NLGN1: variants seen among roughly 807,000 people sequenced by gnomAD.
NLGN1 encodes neuroligin 1.
A neutral mutation model predicts 65.5 loss-of-function variants in NLGN1; 12 were observed. That is an observed-to-expected ratio of 0.18 (90% confidence interval 0.12 to 0.30). The LOEUF (loss-of-function observed/expected upper bound fraction) is 0.30, where lower values mean the gene tolerates loss of function less well. Ranked by LOEUF, NLGN1 falls within the 10% of genes least tolerant of loss-of-function variation. NLGN1 has a pLI of 1.00. For synonymous variants in NLGN1, 350 were observed against 359.5 expected, an observed-to-expected ratio of 0.97 and a Z score of 0.30; for missense variants, 750 against 1,007.1, an observed-to-expected ratio of 0.74 and a Z score of 3.46.
chr3:173,418,210 A>T (rs1714194124), intron 1 of NLGN1, among the ~76,000 whole-genome samples: 1 of 151,400 alleles, frequency 6.6e-6, no homozygotes, highest in Non-Finnish European at 1.5e-5. Flanking sequence ...AGATGTAATT[A>T]TTATAATTTT....
chr3:173,440,858 A>G (rs1719047678), intron 2 of NLGN1, among the ~76,000 whole-genome samples: 1 of 152,170 alleles, frequency 6.6e-6, no homozygotes, highest in South Asian at 2.1e-4. Flanking sequence ...CTTTCTTTTG[A>G]AGCCTGCAAG....
intron 4 of NLGN1, among the ~76,000 whole-genome samples, chr3:174,118,779 T>A (rs1717121128): frequency 6.6e-6 from 1 of 152,138 alleles, no homozygotes; most frequent in Admixed American, 6.6e-5. Context: ...AGATGTTACA[T>A]CCAAGTAGAA....
chr3:174,030,598 T>C (rs1279915786), intron 4 of NLGN1, among the ~76,000 whole-genome samples: 1 of 152,218 alleles, frequency 6.6e-6, no homozygotes, highest in African/African-American at 2.4e-5. Context: ...TGGTTAAAGA[T>C]GACAGATTGA....
At chr3:173,959,795 A>G (rs1200022326) in intron 4 of NLGN1, among the ~76,000 whole-genome samples, 1 of 152,184 alleles carries the variant, frequency 6.6e-6, no homozygotes, top group African/African-American at 2.4e-5. Context: ...AGAATCTTCC[A>G]TATTTTCTAT....
intron 3 of NLGN1, among the ~76,000 whole-genome samples, chr3:173,672,006 C>A (rs1762516366): frequency 6.6e-6 from 1 of 151,494 alleles, no homozygotes; most frequent in Non-Finnish European, 1.5e-5. Context: ...AACCCCGTCT[C>A]TACTAAAAAT....
intron 4 of NLGN1, among the ~76,000 whole-genome samples, chr3:174,162,568 C>G (rs1032610166): frequency 6.6e-6 from 1 of 151,868 alleles, no homozygotes; most frequent in Non-Finnish European, 1.5e-5. Context: ...CAATTGATTT[C>G]TTGAATTTAA....
intron 4 of NLGN1, among the ~76,000 whole-genome samples, chr3:174,115,911 C>G (rs1716305908): frequency 6.6e-6 from 1 of 152,154 alleles, no homozygotes; most frequent in Admixed American, 6.5e-5. Flanking sequence ...TTCTATATGT[C>G]TCTACATTAG....
intron 4 of NLGN1, among the ~76,000 whole-genome samples, chr3:173,826,165 A>C (rs1365366209): frequency 3.3e-5 from 5 of 152,072 alleles, no homozygotes; most frequent in Admixed American, 1.3e-4. Flanking sequence ...TTAAAATGAC[A>C]AAAACTACTT....
At chr3:174,003,303 T>G (rs2152430226) in intron 4 of NLGN1, among the ~76,000 whole-genome samples, 1 of 152,288 alleles carries the variant, frequency 6.6e-6, no homozygotes, top group East Asian at 1.9e-4. Flanking sequence ...CAGGCATTAT[T>G]TGAATTTAAT....
intron 4 of NLGN1, among the ~76,000 whole-genome samples, chr3:174,041,743 A>G (rs1020498887): frequency 5.9e-5 from 9 of 152,156 alleles, no homozygotes; most frequent in African/African-American, 1.9e-4. Flanking sequence ...TTGTATTAAT[A>G]TATTGGCCAT....
chr3:174,028,622 G>A (rs1191335442), intron 4 of NLGN1, among the ~76,000 whole-genome samples: 6 of 152,186 alleles, frequency 3.9e-5, no homozygotes, highest in African/African-American at 7.2e-5. Context: ...TTTGGAATTG[G>A]AACTTATGTT....
intron 3 of NLGN1, among the ~76,000 whole-genome samples, chr3:173,712,023 A>G (rs1392942530): frequency 1.3e-5 from 2 of 152,216 alleles, no homozygotes; most frequent in Admixed American, 1.3e-4. Context: ...GTTTGTTAAA[A>G]TCTACAGAGT....
chr3:174,076,706 AGAGAGAGAGAGAGAGAGAGTGT>A (rs1422706196), intron 4 of NLGN1, among the ~76,000 whole-genome samples: 52 of 145,010 alleles, frequency 3.6e-4, no homozygotes, highest in African/African-American at 5.1e-4. Context: ...AGAGAGAGAG[AGAGAGAGAGAGAGAGAGAGTGT>A]GTGTGTGTGT....
At chr3:174,194,259 C>T (rs1732946499) in intron 4 of NLGN1, among the ~76,000 whole-genome samples, 2 of 151,978 alleles carry the variant, frequency 1.3e-5, no homozygotes, top group Admixed American at 6.6e-5. Flanking sequence ...GAGATCAAGA[C>T]CATCCTAGCC....
At chr3:173,619,389 C>G (rs577651018) in intron 3 of NLGN1, among the ~76,000 whole-genome samples, 10 of 152,186 alleles carry the variant, frequency 6.6e-5, no homozygotes, top group Non-Finnish European at 1.3e-4. Flanking sequence ...TCTGATCAAA[C>G]AATTATTGAG....
At chr3:173,939,862 T>C (rs1745699392) in intron 4 of NLGN1, among the ~76,000 whole-genome samples, 1 of 152,064 alleles carries the variant, frequency 6.6e-6, no homozygotes, top group Non-Finnish European at 1.5e-5. Flanking sequence ...ATTTTTGTTA[T>C]CCAAAAGAAG....
At chr3:173,533,123 G>A (rs958844024) in intron 2 of NLGN1, among the ~76,000 whole-genome samples, 1 of 152,146 alleles carries the variant, frequency 6.6e-6, no homozygotes, top group Non-Finnish European at 1.5e-5. Flanking sequence ...GTAATTATTA[G>A]ATTTAATCTT....
At chr3:173,786,296 C>T (rs2150344046) in intron 3 of NLGN1, among the ~76,000 whole-genome samples, 1 of 152,206 alleles carries the variant, frequency 6.6e-6, no homozygotes, top group East Asian at 1.9e-4. Context: ...CCCTGAATAT[C>T]CCTATGTGTT....
chr3:173,811,214 G>C lies in NLGN1; in HGVS notation c.646+3382G>C, dbSNP rs1578557774. On this transcript the variant is annotated intron_variant, in intron 4 of 6. Transcript: ENST00000457714. ...GTCCTTATATATGTTTAAAATTATT[G>C]TTAGTAGGGTATTTTTTAAACATTC... 2.0e-5 allele frequency among the ~76,000 whole-genome samples: 3 copies of C among 152,106 alleles called. No homozygotes were observed. The East Asian group carries it at 5.8e-4, about 29-fold the overall frequency.
Sources: gnomAD v4.1 joint callset for allele counts (sites outside exome capture counted in the v4.1 genomes callset) on GRCh38, gnomAD v4.1.1 for gene constraint, MANE v1.5 for transcripts, NCBI Gene and HGNC (gene_info 2026-07-23, HGNC 2026-07-21) for gene names.